Variants in MDGA2 observed in about 807,000 individuals in gnomAD.
The protein encoded by MDGA2 is MAM domain-containing glycosylphosphatidylinositol anchor protein 2.
Under a neutral mutation model 117.8 loss-of-function variants are expected in MDGA2, and 40 were observed. That is an observed-to-expected ratio of 0.34 (90% CI 0.26 to 0.44). The LOEUF (loss-of-function observed/expected upper bound fraction) is 0.44. Among genes scored for constraint, MDGA2 ranks in the 20% least tolerant of loss-of-function variants. The pLI is 1.00. For synonymous variants in MDGA2, 452 were observed against 439.0 expected (o/e 1.03, Z -0.37); for missense variants, 1,123 against 1,250.6 (o/e 0.90, Z 1.54).
At chr14:47,559,452 G>A (rs1008950558) in intron 1 of MDGA2, among the ~76,000 whole-genome samples, 3 of 151,982 alleles carry the variant, frequency 2.0e-5, no homozygotes, top group African/African-American at 7.2e-5. Flanking sequence ...GCTATTCTAT[G>A]GTGTATATGC....
chr14:47,264,865 C>T (rs1227324036), intron 2 of MDGA2, among the ~76,000 whole-genome samples: 1 of 151,980 alleles, frequency 6.6e-6, no homozygotes, highest in Non-Finnish European at 1.5e-5. Context: ...GCCTCCCATC[C>T]CCAGACAGGC....
intron 6 of MDGA2, among the ~76,000 whole-genome samples, chr14:47,071,251 T>C (rs1332327463): frequency 6.6e-6 from 1 of 152,178 alleles, no homozygotes; most frequent in Non-Finnish European, 1.5e-5. Context: ...GTTAATTTAA[T>C]CCCTTTATAA....
intron 1 of MDGA2, among the ~76,000 whole-genome samples, chr14:47,530,953 G>C (rs17118867): frequency 6.6e-6 from 1 of 151,998 alleles, no homozygotes; most frequent in Non-Finnish European, 1.5e-5. Context: ...TTAATTTTCC[G>C]TATAAGATTT....
At chr14:47,389,769 A>G (rs17118516) in intron 1 of MDGA2, among the ~76,000 whole-genome samples, 25,380 of 152,178 alleles carry the variant, frequency 0.17, 2,624 homozygotes, top group East Asian at 0.54. Context: ...AGAGCTGTGA[A>G]TAAAACCTGT....
At chr14:47,194,782 CTCTT>C (rs1566675089) in intron 3 of MDGA2, among the ~76,000 whole-genome samples, 1 of 151,902 alleles carries the variant, frequency 6.6e-6, no homozygotes, top group African/African-American at 2.4e-5. Flanking sequence ...CTCTCACTCT[CTCTT>C]TCTCTCTCTT....
At chr14:46,986,725 C>T (rs1378169777) in intron 8 of MDGA2, among the ~76,000 whole-genome samples, 1 of 151,990 alleles carries the variant, frequency 6.6e-6, no homozygotes, top group Non-Finnish European at 1.5e-5. Context: ...ATTGTTTGTC[C>T]CAAAGCATCA....
chr14:47,487,288 T>TA (rs1466337137), intron 1 of MDGA2, among the ~76,000 whole-genome samples: 1 of 152,214 alleles, frequency 6.6e-6, no homozygotes. Flanking sequence ...TTCAATCAGA[T>TA]AAAAAACTAG....
At chr14:47,078,447 C>T (rs1890577958) in intron 6 of MDGA2, among the ~76,000 whole-genome samples, 1 of 152,072 alleles carries the variant, frequency 6.6e-6, no homozygotes, top group African/African-American at 2.4e-5. Context: ...CCATAAAAAA[C>T]ATGGAGCTAG....
At chr14:47,052,464 T>C (rs1420798462) in intron 7 of MDGA2, among the ~76,000 whole-genome samples, 1 of 151,900 alleles carries the variant, frequency 6.6e-6, no homozygotes, top group Non-Finnish European at 1.5e-5. Flanking sequence ...TTTCAGTTGA[T>C]AATTGGAGGG....
At chr14:47,157,604 TGTGTGTGTGTG>T (rs1204371923) in intron 3 of MDGA2, among the ~76,000 whole-genome samples, 1 of 59,504 alleles carries the variant, frequency 1.7e-5, no homozygotes, top group African/African-American at 6.6e-5. Context: ...TATGTGTGTG[TGTGTGTGTGTG>T]TGTGTGTGTG....
At chr14:47,115,203 A>G (rs1055955291) in intron 5 of MDGA2, among the ~76,000 whole-genome samples, 42 of 152,228 alleles carry the variant, frequency 2.8e-4, no homozygotes, top group African/African-American at 8.4e-4. Flanking sequence ...TCCAGAAGTA[A>G]TTTTATAAAA....
At chr14:47,038,162 T>C (rs1888925677) in intron 7 of MDGA2, among the ~76,000 whole-genome samples, 1 of 151,982 alleles carries the variant, frequency 6.6e-6, no homozygotes, top group South Asian at 2.1e-4. Context: ...AAACTCCCGA[T>C]CTTAGGTGAT....
At chr14:47,580,490 T>C (rs569469606) in intron 1 of MDGA2, among the ~76,000 whole-genome samples, 6 of 152,150 alleles carry the variant, frequency 3.9e-5, no homozygotes, top group Admixed American at 3.9e-4. Context: ...ACCACAGCAA[T>C]GAGTCTTTAC....
intron 2 of MDGA2, among the ~76,000 whole-genome samples, chr14:47,282,600 A>C (rs911579715): frequency 1.3e-5 from 2 of 151,878 alleles, no homozygotes; most frequent in Non-Finnish European, 2.9e-5. Context: ...CGGGAGGCTG[A>C]GGCAGGAGAA....
intron 8 of MDGA2, among the ~76,000 whole-genome samples, chr14:47,014,497 C>T (rs1888012759): frequency 6.6e-6 from 1 of 152,214 alleles, no homozygotes; most frequent in African/African-American, 2.4e-5. Context: ...GGGCTAGCCA[C>T]CTTCACTAAT....
chr14:47,199,295 C>T (rs988511995), intron 3 of MDGA2, among the ~76,000 whole-genome samples: 2 of 152,152 alleles, frequency 1.3e-5, no homozygotes. Flanking sequence ...GTCTAGGTAA[C>T]TTCCCATCTT....
intron 1 of MDGA2, among the ~76,000 whole-genome samples, chr14:47,390,383 G>A (rs559619599): frequency 3.8e-4 from 44 of 116,066 alleles, no homozygotes; most frequent in East Asian, 1.6e-3. Context: ...CAATTCCTAA[G>A]GAAGAGTAGG....
At chr14:47,638,789 C>T (rs1291674978) in intron 1 of MDGA2, among the ~76,000 whole-genome samples, 1 of 152,168 alleles carries the variant, frequency 6.6e-6, no homozygotes, top group Non-Finnish European at 1.5e-5. Flanking sequence ...TGCACCAAAG[C>T]GATCCCTTTA....
intron 1 of MDGA2, among the ~76,000 whole-genome samples, chr14:47,468,399 T>C (rs1335086207): frequency 6.6e-6 from 1 of 152,152 alleles, no homozygotes; most frequent in African/African-American, 2.4e-5. Context: ...AGTTGAAAAG[T>C]CTGACCCCAA....
Sources: gnomAD v4.1 joint callset for allele counts (sites outside exome capture counted in the v4.1 genomes callset) on GRCh38, gnomAD v4.1.1 for gene constraint, MANE v1.5 for transcripts, NCBI Gene and HGNC (gene_info 2026-07-23, HGNC 2026-07-21) for gene names.